GPR158: variants seen among roughly 807,000 people sequenced by gnomAD.
The protein encoded by GPR158 is G protein-coupled receptor 158.
GPR158 carries 30 observed loss-of-function variants against 78.2 expected under a neutral mutation model. The observed-to-expected ratio is 0.38, with a 90% CI of 0.29 to 0.52. GPR158 has a LOEUF of 0.52. Among genes scored for constraint, GPR158 ranks in the 20% least tolerant of loss-of-function variants. The pLI is 0.83. For missense variants in GPR158, 1,463 were observed against 1,523.5 expected (o/e 0.96, Z 0.66); for synonymous variants, 581 against 591.1 (o/e 0.98, Z 0.25).
intron 4 of GPR158, among the ~76,000 whole-genome samples, chr10:25,418,179 A>T (rs1834690403): frequency 6.6e-6 from 1 of 152,174 alleles, no homozygotes; most frequent in African/African-American, 2.4e-5. Flanking sequence ...TAGTATAGAT[A>T]CGTATGTCTT....
At chr10:25,219,200 A>T (rs975160906) in intron 1 of GPR158, among the ~76,000 whole-genome samples, 4 of 152,226 alleles carry the variant, frequency 2.6e-5, no homozygotes, top group African/African-American at 9.6e-5. Flanking sequence ...TAGCTTTCCA[A>T]ATCCTCTAGA....
chr10:25,179,639 G>T (rs538490426), intron 1 of GPR158, among the ~76,000 whole-genome samples: 2,562 of 152,148 alleles, frequency 0.017, 27 homozygotes, highest in South Asian at 0.035. Context: ...AATGACACAA[G>T]TATCTTAAAA....
chr10:25,289,501 C>T (rs771780534), intron 2 of GPR158, among the ~76,000 whole-genome samples: 3 of 152,028 alleles, frequency 2.0e-5, no homozygotes, highest in Admixed American at 6.6e-5. Context: ...GGCGCCATCT[C>T]GGCTCACTAC....
intron 9 of GPR158, among the ~76,000 whole-genome samples, 160 bp downstream of exon 9, chr10:25,594,557 G>T (rs1837377784): frequency 6.6e-6 from 1 of 151,776 alleles, no homozygotes; most frequent in Non-Finnish European, 1.5e-5. Flanking sequence ...TTTGAATTTT[G>T]GAAACTTCTT....
chr10:25,321,134 AT>A (rs1854941946), intron 2 of GPR158, among the ~76,000 whole-genome samples: 1 of 152,206 alleles, frequency 6.6e-6, no homozygotes, highest in African/African-American at 2.4e-5. Flanking sequence ...CAATTGCAAA[AT>A]TAGAAAGTCA....
chr10:25,297,524 A>C (rs541280842), intron 2 of GPR158, among the ~76,000 whole-genome samples: 1 of 151,914 alleles, frequency 6.6e-6, no homozygotes, highest in East Asian at 1.9e-4. Flanking sequence ...TTTTTTTTAC[A>C]TTGTCCTCAG....
chr10:25,398,660 T>C (rs746300684), intron 3 of GPR158, among the ~76,000 whole-genome samples: 9 of 152,134 alleles, frequency 5.9e-5, no homozygotes, highest in Non-Finnish European at 1.2e-4. Context: ...TAAAAGCCAG[T>C]GTTTTCTTAC....
chr10:25,420,550 A>G (rs973334195), intron 4 of GPR158, among the ~76,000 whole-genome samples: 1 of 152,168 alleles, frequency 6.6e-6, no homozygotes, highest in African/African-American at 2.4e-5. Context: ...ATCTGAAGTC[A>G]TAATGCTTTT....
At chr10:25,233,842 G>A (rs1295284385) in intron 2 of GPR158, among the ~76,000 whole-genome samples, 2 of 152,216 alleles carry the variant, frequency 1.3e-5, no homozygotes, top group Non-Finnish European at 2.9e-5. Context: ...GGAGAATCCA[G>A]TTGTCTTGTA....
intron 2 of GPR158, among the ~76,000 whole-genome samples, chr10:25,376,955 C>T (rs1834088954): frequency 6.6e-6 from 1 of 151,480 alleles, no homozygotes; most frequent in African/African-American, 2.4e-5. Flanking sequence ...AAACTACCAG[C>T]TCTAAAGTTT....
chr10:25,288,962 T>A (rs1854394037), intron 2 of GPR158, among the ~76,000 whole-genome samples: 1 of 152,242 alleles, frequency 6.6e-6, no homozygotes, highest in African/African-American at 2.4e-5. Context: ...TCGGCTTCCT[T>A]TCTCTTCACC....
intron 6 of GPR158, among the ~76,000 whole-genome samples, chr10:25,569,758 A>G (rs945793632): frequency 2.0e-5 from 3 of 152,122 alleles, no homozygotes; most frequent in Non-Finnish European, 4.4e-5. Flanking sequence ...TACCTGTTCT[A>G]TTGGGTTAGT....
chr10:25,257,676 TG>T (rs1424987097), intron 2 of GPR158, among the ~76,000 whole-genome samples: 8 of 152,258 alleles, frequency 5.3e-5, no homozygotes, highest in African/African-American at 1.9e-4. Context: ...ATTCTCATTT[TG>T]TCCATTCTGC....
chr10:25,419,555 T>G (rs1328733814), intron 4 of GPR158, among the ~76,000 whole-genome samples: 1 of 152,232 alleles, frequency 6.6e-6, no homozygotes, highest in Admixed American at 6.5e-5. Context: ...TTTAGTGATT[T>G]GAGGAACCAC....
chr10:25,274,526 T>G (rs913723664), intron 2 of GPR158, among the ~76,000 whole-genome samples: 3 of 152,190 alleles, frequency 2.0e-5, no homozygotes, highest in African/African-American at 7.2e-5. Context: ...TAATCCTCAG[T>G]GCTAAATACA....
intron 5 of GPR158, among the ~76,000 whole-genome samples, chr10:25,524,057 T>G (rs1465423702): frequency 3.3e-5 from 5 of 152,022 alleles, no homozygotes; most frequent in Non-Finnish European, 7.4e-5. Context: ...AAAATGAAAT[T>G]AATGAAACAA....
chr10:25,271,590 G>C (rs1344578835), intron 2 of GPR158, among the ~76,000 whole-genome samples: 3 of 152,140 alleles, frequency 2.0e-5, no homozygotes, highest in Non-Finnish European at 2.9e-5. Context: ...CGAAGTTAAG[G>C]GTTTAGAATG....
intron 4 of GPR158, among the ~76,000 whole-genome samples, chr10:25,438,388 A>G (rs1835025942): frequency 2.0e-5 from 3 of 152,226 alleles, no homozygotes; most frequent in Non-Finnish European, 4.4e-5. Flanking sequence ...TAGTTATGTT[A>G]ACTGAATGGT....
Position 25,491,291 on chromosome 10 carries a change from A to G in GPR158, c.1404+24572A>G, listed in dbSNP as rs185588667. On this transcript the variant is annotated intron_variant, in intron 5 of 10. Transcript: ENST00000376351. Reference sequence around the variant, plus strand: ...CCATATGTCTAGGTCTGGCAATGAAATATGAACAATGATTTGTAAAAAGCA... The same window carrying G: ...CCATATGTCTAGGTCTGGCAATGAAGTATGAACAATGATTTGTAAAAAGCA... 2.5e-3 allele frequency among the ~76,000 whole-genome samples: 384 copies of G among 152,340 alleles called. 2 individuals carry two copies. The highest frequency in any genetic ancestry group is 8.8e-3 in the African/African-American group (366 of 41,584).
Sources: allele counts gnomAD v4.1 joint callset (sites outside exome capture counted in the v4.1 genomes callset), GRCh38; gene constraint gnomAD v4.1.1; transcripts MANE v1.5; gene names NCBI Gene and HGNC (gene_info 2026-07-23, HGNC 2026-07-21).